EML4: variants seen among roughly 807,000 people sequenced by gnomAD.
EML4 encodes the protein EMAP like 4.
EML4 carries 72 observed loss-of-function variants against 129.0 expected under a neutral mutation model. That is an observed-to-expected ratio of 0.56 (90% confidence interval 0.46 to 0.68). The LOEUF is 0.68. Among genes scored for constraint, EML4 ranks in the 30% least tolerant of loss-of-function variants. The pLI is 0.00. For synonymous variants in EML4, 532 were observed against 405.0 expected, an observed-to-expected ratio of 1.31 and a Z score of -3.77; for missense variants, 1,363 against 1,190.6, an observed-to-expected ratio of 1.14 and a Z score of -2.13.
At chr2:42,280,093 A>G (rs946878134) in intron 6 of EML4, among the ~76,000 whole-genome samples, 6 of 152,132 alleles carry the variant, frequency 3.9e-5, no homozygotes, top group Admixed American at 2.6e-4. Flanking sequence ...GGCATAAGAA[A>G]AAGTTATGCC....
intron 1 of EML4, among the ~76,000 whole-genome samples, chr2:42,229,527 A>G (rs550236102): frequency 6.6e-6 from 1 of 152,102 alleles, no homozygotes; most frequent in Non-Finnish European, 1.5e-5. Flanking sequence ...AGCAAGACAG[A>G]TAACTGTCTT....
At chr2:42,307,335 A>G (rs960947911) in intron 17 of EML4, among the ~76,000 whole-genome samples, 2 of 152,230 alleles carry the variant, frequency 1.3e-5, no homozygotes, top group Non-Finnish European at 2.9e-5. Flanking sequence ...TGGAGTTGTA[A>G]GTAGAAAACA....
At chr2:42,305,435 C>G (rs773915230) in intron 17 of EML4, among the ~76,000 whole-genome samples, 1 of 152,266 alleles carries the variant, frequency 6.6e-6, no homozygotes, top group Middle Eastern at 3.4e-3. Context: ...GAAAATTTCT[C>G]TCCTCATCTT....
intron 2 of EML4, among the ~76,000 whole-genome samples, chr2:42,249,626 T>C (rs1675637780): frequency 6.6e-6 from 1 of 152,216 alleles, no homozygotes. Flanking sequence ...GCTACGTTGC[T>C]TCATAGTAGT....
At position 42,267,529 on chromosome 2, in the gene EML4, A is replaced by G. The variant is rs1666125168; in HGVS notation, c.667+2798A>G. ...GATTTGAGAAGAAGCCTATTTACAT[A>G]TGGTACATTTAGGTGAGTGGTAACA... On this transcript the variant is annotated intron_variant, in intron 6 of 22. Transcript: ENST00000318522. Among the ~76,000 whole-genome samples the G allele has an allele frequency of 2.6e-5, 4 of 152,320 alleles. 1 individual carries two copies. In the South Asian group the frequency reaches 8.3e-4, roughly 32 times the overall value.
At chr2:42,304,411 A>G in intron 16 of EML4, 73 bp from the exon 17 acceptor site, 1 of 1,064,760 alleles carries the variant, frequency 9.4e-7, no homozygotes, top group Non-Finnish European at 1.5e-6. Context: ...GGTTATTTTC[A>G]GAAGTTTTTG....
At chr2:42,206,606 A>G (rs1316356303) in intron 1 of EML4, among the ~76,000 whole-genome samples, 1 of 152,156 alleles carries the variant, frequency 6.6e-6, no homozygotes, top group Non-Finnish European at 1.5e-5. Context: ...TGTTCCTTTT[A>G]TGACATAGAC....
At chr2:42,278,932 C>A (rs1666843676) in intron 6 of EML4, among the ~76,000 whole-genome samples, 1 of 90,004 alleles carries the variant, frequency 1.1e-5, no homozygotes, top group South Asian at 3.3e-4. Context: ...GCGAAACTCT[C>A]TTGGAAAAAA....
At chr2:42,238,526 T>A (rs1414678266) in intron 1 of EML4, among the ~76,000 whole-genome samples, 1 of 152,184 alleles carries the variant, frequency 6.6e-6, no homozygotes, top group Admixed American at 6.5e-5. Context: ...GAGGATTGCT[T>A]GAGGATGGGA....
intron 17 of EML4, among the ~76,000 whole-genome samples, chr2:42,313,682 C>T (rs1239390688): frequency 1.2e-4 from 19 of 152,238 alleles, no homozygotes; most frequent in East Asian, 1.9e-4. Flanking sequence ...AATCCCAGCA[C>T]GTTGGGAGGA....
intron 1 of EML4, among the ~76,000 whole-genome samples, chr2:42,227,665 C>T (rs964645164): frequency 6.6e-6 from 1 of 152,172 alleles, no homozygotes; most frequent in Admixed American, 6.5e-5. Flanking sequence ...CTCTGCCACC[C>T]CTAAGGCAGC....
At chr2:42,200,955 TCTC>T (rs1672196669) in intron 1 of EML4, among the ~76,000 whole-genome samples, 1 of 152,300 alleles carries the variant, frequency 6.6e-6, no homozygotes, top group Non-Finnish European at 1.5e-5. Flanking sequence ...CCTGCTGTAT[TCTC>T]CTAAGGATGA....
intron 1 of EML4, among the ~76,000 whole-genome samples, chr2:42,227,941 C>G (rs957272422): frequency 1.3e-5 from 2 of 152,150 alleles, no homozygotes; most frequent in Non-Finnish European, 2.9e-5. Flanking sequence ...ATACATAGGC[C>G]GGGCACAGTG....
intron 1 of EML4, among the ~76,000 whole-genome samples, chr2:42,186,604 T>G (rs572073800): frequency 1.7e-4 from 26 of 152,342 alleles, no homozygotes; most frequent in Admixed American, 1.4e-3. Context: ...TGTGTCAGAC[T>G]TCATTGGACT....
At chr2:42,294,915 G>A (rs964386085) in intron 11 of EML4, among the ~76,000 whole-genome samples, 2 of 152,056 alleles carry the variant, frequency 1.3e-5, no homozygotes, top group African/African-American at 2.4e-5. Flanking sequence ...TTTATAAATA[G>A]CATAAAAGGT....
intron 1 of EML4, chr2:42,208,182 A>G (rs1672673680): frequency 6.6e-6 from 1 of 152,176 alleles, no homozygotes; most frequent in South Asian, 2.1e-4. Flanking sequence ...ATGTCTTCTG[A>G]ATAAAGGACA....
chr2:42,301,184 C>T (rs1668266041), intron 13 of EML4, 57 bp from the exon 14 acceptor site: 4 of 1,469,266 alleles, frequency 2.7e-6, no homozygotes, highest in Non-Finnish European at 3.7e-6. Context: ...TCCAAATAGA[C>T]ACTAAAATCT....
intron 1 of EML4, among the ~76,000 whole-genome samples, chr2:42,244,065 GTTTTTTT>G (rs201319599): frequency 2.1e-5 from 3 of 143,630 alleles, no homozygotes; most frequent in African/African-American, 7.9e-5. Context: ...AGCAATTAAT[GTTTTTTT>G]TGTTTTTTGT....
chr2:42,225,056 G>A (rs557237671), intron 1 of EML4, among the ~76,000 whole-genome samples: 1 of 152,148 alleles, frequency 6.6e-6, no homozygotes, highest in Admixed American at 6.5e-5. Flanking sequence ...TGTTTTCAAA[G>A]GTCACTCATG....
Sources: allele counts gnomAD v4.1 joint callset (sites outside exome capture counted in the v4.1 genomes callset), GRCh38; gene constraint gnomAD v4.1.1; transcripts MANE v1.5; gene names NCBI Gene and HGNC (gene_info 2026-07-23, HGNC 2026-07-21).